Variants in IGF1 observed in about 807,000 individuals in gnomAD.
The protein encoded by IGF1 is insulin like growth factor 1.
IGF1 carries 4 observed loss-of-function variants against 13.8 expected under a neutral mutation model. That is an observed-to-expected ratio of 0.29 (90% CI 0.14 to 0.66). IGF1 has a LOEUF of 0.66. Among genes scored for constraint, IGF1 ranks in the 30% least tolerant of loss-of-function variants. The pLI, the probability that IGF1 is intolerant of heterozygous loss-of-function variation, is 0.78. For synonymous variants in IGF1, 76 were observed against 72.6 expected (o/e 1.05, Z -0.23); for missense variants, 124 against 188.5 (o/e 0.66, Z 2.00).
chr12:102,437,883 A>G lies in IGF1; in HGVS notation c.221-18193T>C, dbSNP rs80135145. 3.9e-3 allele frequency among the ~76,000 whole-genome samples: 587 copies of G among 152,348 alleles called. 8 individuals are homozygous for G. The highest frequency in any genetic ancestry group is 0.013 in the African/African-American group (559 of 41,572). ...TGTATCAGAACATCATGTGTACCCC[A>G]TAATTATTTACAATTATTATGTGTC... On this transcript the variant is annotated intron_variant, in intron 2 of 3. Transcript: ENST00000337514.
At chr12:102,421,230 C>T (rs1426813945) in intron 2 of IGF1, among the ~76,000 whole-genome samples, 1 of 152,166 alleles carries the variant, frequency 6.6e-6, no homozygotes, top group South Asian at 2.1e-4. Flanking sequence ...TCTTTCTGGG[C>T]AGAGTCTGCT....
Position 102,480,332 on chromosome 12 carries a change from C to T in IGF1, c.50G>A (p.Cys17Tyr). Residue 17 changes from cysteine (C) to tyrosine (Y), a missense_variant, in exon 1 of 4, where the codon TGT (cysteine) becomes TAT (tyrosine). This residue lies in a region of IGF1 where 99 missense variants were observed against 171.4 expected (regional missense o/e 0.58). Coordinates refer to ENST00000337514, the MANE Select transcript of IGF1 (RefSeq NM_000618.5). ...AGAAATATTTACCTTCAAGAAATCA[C>T]AAAAGCAGCACTTAAATAATTGGGT... ...LPTQLFKCCF[C>Y]DFLKVKMHTM... The T allele has an allele frequency of 1.2e-6, 2 of 1,613,440 alleles. No homozygotes were observed. The highest frequency in any genetic ancestry group is 1.7e-6 in the Non-Finnish European group (2 of 1,179,592).
intron 2 of IGF1, among the ~76,000 whole-genome samples, chr12:102,465,609 G>A (rs1451686207): frequency 6.6e-6 from 1 of 152,180 alleles, no homozygotes; most frequent in African/African-American, 2.4e-5. Flanking sequence ...TATTTATTAT[G>A]TGCCTGACAA....
intron 3 of IGF1, among the ~76,000 whole-genome samples, chr12:102,415,904 A>G (rs1370916528): frequency 6.6e-6 from 1 of 152,196 alleles, no homozygotes; most frequent in Non-Finnish European, 1.5e-5. Flanking sequence ...CTAAGGCACG[A>G]GCCTGGCTTC....
intron 2 of IGF1, among the ~76,000 whole-genome samples, chr12:102,424,158 A>G (rs185796227): frequency 1.3e-5 from 2 of 152,254 alleles, no homozygotes; most frequent in East Asian, 3.9e-4. Context: ...CTTAAGATAT[A>G]CATTTGTTAT....
chr12:102,418,451 A>G (rs745718610), intron 3 of IGF1, among the ~76,000 whole-genome samples: 2 of 152,202 alleles, frequency 1.3e-5, no homozygotes, highest in Non-Finnish European at 2.9e-5. Context: ...GAGGTTTAAG[A>G]CCAGGAAGCA....
At chr12:102,466,255 A>G (rs1336694160) in intron 2 of IGF1, among the ~76,000 whole-genome samples, 1 of 152,224 alleles carries the variant, frequency 6.6e-6, no homozygotes, top group African/African-American at 2.4e-5. Context: ...TGGATTAAAC[A>G]GTGACTGAGA....
chr12:102,403,186 G>A lies in IGF1; in HGVS notation c.403-620C>T, dbSNP rs531065887. ...ATGAGTGGCAATCTCTTGTGTTTCC[G>A]TTTCTTCATCTATAAACTAGGGTAA... On this transcript the variant is annotated intron_variant, in intron 3 of 3. Coordinates refer to ENST00000337514, the MANE Select transcript of IGF1 (RefSeq NM_000618.5). Among the ~76,000 whole-genome samples, 16 of 152,066 alleles carry A rather than the reference G, an allele frequency of 1.1e-4. 1 individual carries two copies. In the South Asian group the frequency reaches 1.7e-3, roughly 16 times the overall value.
chr12:102,408,885 A>G (rs143818285), intron 3 of IGF1, among the ~76,000 whole-genome samples: 2 of 152,284 alleles, frequency 1.3e-5, no homozygotes, highest in African/African-American at 4.8e-5. Context: ...TTGCCTTGCA[A>G]TCTGATGGCT....
In IGF1 at chr12:102,447,078, T is replaced by C. The variant is rs148823022; in HGVS notation, c.221-27388A>G. ...CCTGAGTTCTAATTTGATTGCACTG[T>C]GGTTGGAGAGACTGTTTGTTATGAT... On this transcript the variant is annotated intron_variant, in intron 2 of 3. Coordinates refer to ENST00000337514, the MANE Select transcript of IGF1 (RefSeq NM_000618.5). Among the ~76,000 whole-genome samples, 1,366 of 152,336 alleles carry C rather than the reference T, an allele frequency of 9.0e-3. 18 individuals carry two copies. Among genetic ancestry groups the C allele is most frequent in the African/African-American group, 0.031 (1,305 of 41,580 alleles).
chr12:102,469,201 C>T (rs10778176), intron 2 of IGF1, among the ~76,000 whole-genome samples: 47,922 of 152,018 alleles, frequency 0.32, 7,911 homozygotes, highest in East Asian at 0.44. Context: ...TTTCTTCCTG[C>T]CTGGATTATG....
At chr12:102,407,094 C>CAAAAAAAAAAAAAAAAAA (rs57468885) in intron 3 of IGF1, among the ~76,000 whole-genome samples, 4 of 100,982 alleles carry the variant, frequency 4.0e-5, no homozygotes, top group Non-Finnish European at 7.5e-5. Context: ...ACTCTGTCTC[C>CAAAAAAAAAAAAAAAAAA]AAAAAAAAAA....
chr12:102,474,067 G>A (rs1301627846), intron 2 of IGF1, among the ~76,000 whole-genome samples: 1 of 152,130 alleles, frequency 6.6e-6, no homozygotes, highest in Non-Finnish European at 1.5e-5. Flanking sequence ...AAGTCCCCTT[G>A]GGCATAATAA....
chr12:102,447,884 A>G (rs1565989841), intron 2 of IGF1, among the ~76,000 whole-genome samples: 1 of 152,198 alleles, frequency 6.6e-6, no homozygotes, highest in Non-Finnish European at 1.5e-5. Flanking sequence ...TGACTAAAAC[A>G]CCAATAGCAA....
intron 3 of IGF1, among the ~76,000 whole-genome samples, chr12:102,409,981 G>A (rs887883910): frequency 7.2e-5 from 11 of 152,158 alleles, no homozygotes; most frequent in East Asian, 1.9e-4. Flanking sequence ...CTTGGTTTCC[G>A]GAGCTCCGTT....
At chr12:102,441,906 G>GCTGCTTCTTCTT in intron 2 of IGF1, among the ~76,000 whole-genome samples, 23 of 100,284 alleles carry the variant, frequency 2.3e-4, no homozygotes, top group South Asian at 3.3e-4. Flanking sequence ...CTATTACACT[G>GCTGCTTCTTCTT]CTTCTTCTCC....
chr12:102,407,235 A>G (rs1026875653), intron 3 of IGF1, among the ~76,000 whole-genome samples: 2 of 151,878 alleles, frequency 1.3e-5, no homozygotes, highest in African/African-American at 4.8e-5. Flanking sequence ...CCTTACAATC[A>G]CCACATGAGG....
intron 2 of IGF1, among the ~76,000 whole-genome samples, chr12:102,449,399 G>T (rs1878709354): frequency 6.6e-6 from 1 of 151,038 alleles, no homozygotes; most frequent in Admixed American, 6.6e-5. Context: ...CAGTCGGGGG[G>T]TGGGGGCAAG....
At chr12:102,404,220 C>T (rs1249846044) in intron 3 of IGF1, among the ~76,000 whole-genome samples, 5 of 152,292 alleles carry the variant, frequency 3.3e-5, no homozygotes, top group African/African-American at 1.2e-4. Context: ...TGTAAACTGT[C>T]TTCTGGCTAA....
Sources: gnomAD v4.1 joint callset for allele counts (sites outside exome capture counted in the v4.1 genomes callset) on GRCh38, gnomAD v4.1.1 for gene constraint, gnomAD v4.1.1 regional missense constraint, MANE v1.5 for transcripts, NCBI Gene and HGNC (gene_info 2026-07-23, HGNC 2026-07-21) for gene names.